The following PXDNL variants were observed in gnomAD, a reference collection of about 807,000 sequenced individuals.
PXDNL encodes the protein peroxidasin like.
In PXDNL, 145 loss-of-function variants were observed where a neutral mutation model predicts 150.8. The observed-to-expected ratio is 0.96, with a 90% CI of 0.84 to 1.10. PXDNL has a LOEUF of 1.10. Ranked by LOEUF, PXDNL falls within the 50% of genes least tolerant of loss-of-function variation. The pLI is 0.00. For missense variants in PXDNL, 2,087 were observed against 1,873.9 expected, an observed-to-expected ratio of 1.11 and a Z score of -2.10; for synonymous variants, 757 against 725.7, an observed-to-expected ratio of 1.04 and a Z score of -0.69.
chr8:51,606,303 T>C (rs1304734307), intron 2 of PXDNL, among the ~76,000 whole-genome samples: 1 of 152,210 alleles, frequency 6.6e-6, no homozygotes, highest in African/African-American at 2.4e-5. Context: ...ACAAAACTAA[T>C]GAAACATGAT....
intron 2 of PXDNL, among the ~76,000 whole-genome samples, chr8:51,595,024 C>G (rs565080884): frequency 6.6e-6 from 1 of 151,692 alleles, no homozygotes; most frequent in Non-Finnish European, 1.5e-5. Flanking sequence ...AAGAAGCGAA[C>G]AAAACAAAAC....
intron 19 of PXDNL, among the ~76,000 whole-genome samples, chr8:51,350,800 T>C (rs1806329597): frequency 6.6e-6 from 1 of 152,200 alleles, no homozygotes; most frequent in Non-Finnish European, 1.5e-5. Context: ...GCCTGACCTT[T>C]CAGACTGCTT....
chr8:51,774,939 A>G (rs2037336364), intron 1 of PXDNL, among the ~76,000 whole-genome samples: 1 of 152,238 alleles, frequency 6.6e-6, no homozygotes, highest in Non-Finnish European at 1.5e-5. Context: ...CAGATACATG[A>G]TACATTTTAA....
At chr8:51,559,817 T>C (rs928975927) in intron 3 of PXDNL, among the ~76,000 whole-genome samples, 1 of 151,982 alleles carries the variant, frequency 6.6e-6, no homozygotes, top group Non-Finnish European at 1.5e-5. Flanking sequence ...TGTGGAGAAT[T>C]GGTATTAACA....
chr8:51,373,017 C>T (rs1807174068), intron 18 of PXDNL, among the ~76,000 whole-genome samples: 1 of 152,166 alleles, frequency 6.6e-6, no homozygotes, highest in African/African-American at 2.4e-5. Flanking sequence ...AAAAAGACTT[C>T]TTGCCACTAT....
At chr8:51,462,118 C>T (rs1031324837) in intron 8 of PXDNL, among the ~76,000 whole-genome samples, 1 of 152,128 alleles carries the variant, frequency 6.6e-6, no homozygotes, top group Admixed American at 6.6e-5. Flanking sequence ...CAGTCAAAAC[C>T]TCAAGGGAAA....
chr8:51,679,923 G>A (rs1815705726), intron 1 of PXDNL, among the ~76,000 whole-genome samples: 1 of 152,138 alleles, frequency 6.6e-6, no homozygotes. Context: ...TCTCTCCTGG[G>A]ACACATGCTC....
Position 51,756,407 on chromosome 8 carries a change from AG to A in PXDNL, c.164+52773del, listed in dbSNP as rs747857646. 3.2e-3 allele frequency among the ~76,000 whole-genome samples: 474 copies of A among 146,250 alleles called. 8 individuals carry two copies. Among genetic ancestry groups the A allele is most frequent in the Non-Finnish European group, 4.7e-3 (309 of 66,094 alleles). On this transcript the variant is annotated intron_variant, in intron 1 of 22. Coordinates refer to ENST00000356297, the MANE Select transcript of PXDNL (RefSeq NM_144651.5). ...ACCCCATCACAGAAAAAAAAAAAAAAGGAAAGAAAGAGAAAGAGAGAAAGAA... is the reference window on the plus strand; with the variant it reads ...ACCCCATCACAGAAAAAAAAAAAAAAGAAAGAAAGAGAAAGAGAGAAAGAA...
chr8:51,659,589 T>C (rs1177189203), intron 1 of PXDNL, among the ~76,000 whole-genome samples: 2 of 152,134 alleles, frequency 1.3e-5, no homozygotes, highest in Non-Finnish European at 2.9e-5. Context: ...CTCCAAGTCA[T>C]GTCAGTTGGT....
chr8:51,515,667 G>C (rs1334917356), intron 4 of PXDNL, among the ~76,000 whole-genome samples: 1 of 152,144 alleles, frequency 6.6e-6, no homozygotes, highest in East Asian at 1.9e-4. Context: ...TAAGCTCTTG[G>C]CTTGATTTGT....
intron 12 of PXDNL, among the ~76,000 whole-genome samples, chr8:51,444,539 G>A (rs946807681): frequency 1.1e-4 from 16 of 152,032 alleles, no homozygotes; most frequent in African/African-American, 3.6e-4. Flanking sequence ...CCTAATACCC[G>A]AAGGAAATTC....
chr8:51,515,298 G>C (rs1388061931), intron 4 of PXDNL, among the ~76,000 whole-genome samples: 3 of 152,252 alleles, frequency 2.0e-5, no homozygotes, highest in East Asian at 1.9e-4. Context: ...AGGGTTCCAG[G>C]GGGCAGGTCA....
At chr8:51,486,925 C>G (rs537918559) in intron 5 of PXDNL, among the ~76,000 whole-genome samples, 78 of 149,290 alleles carry the variant, frequency 5.2e-4, no homozygotes, top group African/African-American at 1.9e-3. Context: ...CTCAGCCTCC[C>G]AAGTAGCTAC....
At chr8:51,343,823 GA>G (rs1806064620) in intron 20 of PXDNL, among the ~76,000 whole-genome samples, 1 of 152,128 alleles carries the variant, frequency 6.6e-6, no homozygotes, top group African/African-American at 2.4e-5. Context: ...TGAATCAATG[GA>G]AAAACAGATG....
intron 4 of PXDNL, among the ~76,000 whole-genome samples, chr8:51,544,499 CATT>C (rs1812309104): frequency 1.3e-5 from 2 of 152,148 alleles, no homozygotes; most frequent in Admixed American, 6.5e-5. Flanking sequence ...TATTCTATGA[CATT>C]GTTGTGTTTA....
At chr8:51,668,346 T>C (rs1815432527) in intron 1 of PXDNL, among the ~76,000 whole-genome samples, 1 of 151,788 alleles carries the variant, frequency 6.6e-6, no homozygotes, top group Non-Finnish European at 1.5e-5. Flanking sequence ...GGCTAATTTC[T>C]ATATTTTTAG....
chr8:51,400,224 A>G (rs1375672093), intron 17 of PXDNL, among the ~76,000 whole-genome samples: 4 of 152,194 alleles, frequency 2.6e-5, no homozygotes, highest in Admixed American at 6.5e-5. Context: ...TGTTTCACAC[A>G]CACCTTAAAA....
chr8:51,445,596 G>C (rs1335535461), intron 12 of PXDNL, among the ~76,000 whole-genome samples: 1 of 152,178 alleles, frequency 6.6e-6, no homozygotes, highest in Non-Finnish European at 1.5e-5. Flanking sequence ...AAGTGAAGTG[G>C]CTTCTAGATT....
intron 1 of PXDNL, among the ~76,000 whole-genome samples, chr8:51,751,570 C>A (rs1419723034): frequency 6.6e-6 from 1 of 152,080 alleles, no homozygotes; most frequent in Admixed American, 6.5e-5. Flanking sequence ...ACCATAGATT[C>A]GAAAGGTCTC....
Sources: gnomAD v4.1 joint callset for allele counts (sites outside exome capture counted in the v4.1 genomes callset) on GRCh38, gnomAD v4.1.1 for gene constraint, MANE v1.5 for transcripts, NCBI Gene and HGNC (gene_info 2026-07-23, HGNC 2026-07-21) for gene names.